ARHGAP10: variants seen among roughly 807,000 people sequenced by gnomAD.
ARHGAP10 encodes rho GTPase-activating protein 10.
In ARHGAP10, 87 loss-of-function variants were observed where a neutral mutation model predicts 108.6. The observed-to-expected ratio is 0.80, with a 90% confidence interval of 0.67 to 0.96. ARHGAP10 has a LOEUF of 0.96. ARHGAP10 is among the 40% of genes least tolerant of loss of function. The pLI, the probability that ARHGAP10 is intolerant of heterozygous loss-of-function variation, is 0.00. For synonymous variants in ARHGAP10, 347 were observed against 341.1 expected, an observed-to-expected ratio of 1.02 and a Z score of -0.19; for missense variants, 939 against 954.5, an observed-to-expected ratio of 0.98 and a Z score of 0.21.
intron 4 of ARHGAP10, 48 bp from the exon 5 acceptor site, chr4:147,857,504 TG>T: frequency 2.2e-6 from 3 of 1,393,648 alleles, no homozygotes; most frequent in Non-Finnish European, 1.9e-6. Context: ...GGATTAACCA[TG>T]TGTATCCTTT....
chr4:147,957,567 C>G (rs1738831543), intron 16 of ARHGAP10, among the ~76,000 whole-genome samples: 1 of 152,184 alleles, frequency 6.6e-6, no homozygotes, highest in African/African-American at 2.4e-5. Context: ...GCTAAAATTA[C>G]TAAGCATCAG....
chr4:147,895,458 G>A (rs1312453130), intron 10 of ARHGAP10, among the ~76,000 whole-genome samples: 4 of 144,156 alleles, frequency 2.8e-5, no homozygotes, highest in Non-Finnish European at 6.0e-5. Context: ...GATCACTTGA[G>A]CTCAGGGTTA....
chr4:147,913,282 TATTC>T (rs1736830300), intron 13 of ARHGAP10, 143 bp downstream of exon 13: 1 of 726,318 alleles, frequency 1.4e-6, no homozygotes, highest in Non-Finnish European at 2.3e-6. Flanking sequence ...AAGGATCAGT[TATTC>T]ATTTACTATG....
intron 18 of ARHGAP10, among the ~76,000 whole-genome samples, chr4:147,986,178 C>T (rs183263853): frequency 6.6e-6 from 1 of 151,890 alleles, no homozygotes; most frequent in African/African-American, 2.4e-5. Context: ...TCAGTTTCCT[C>T]ATCTATGAAA....
chr4:148,026,246 G>C (rs1741761652), intron 19 of ARHGAP10, among the ~76,000 whole-genome samples: 2 of 152,176 alleles, frequency 1.3e-5, no homozygotes, highest in African/African-American at 4.8e-5. Context: ...ACTCGGAATT[G>C]GTTTCAGTTC....
intron 1 of ARHGAP10, among the ~76,000 whole-genome samples, chr4:147,766,799 C>CATATATAT (rs57572532): frequency 5.5e-5 from 7 of 126,436 alleles, no homozygotes; most frequent in South Asian, 2.5e-4. Flanking sequence ...CATATATTCA[C>CATATATAT]ATATATATAT....
chr4:148,001,854 T>A (rs1438399867), intron 18 of ARHGAP10, among the ~76,000 whole-genome samples: 1 of 152,252 alleles, frequency 6.6e-6, no homozygotes, highest in Non-Finnish European at 1.5e-5. Context: ...TCATGTCATC[T>A]GCAAACAGGG....
chr4:147,917,885 A>G (rs1392162811), intron 13 of ARHGAP10, among the ~76,000 whole-genome samples: 1 of 152,216 alleles, frequency 6.6e-6, no homozygotes, highest in Admixed American at 6.5e-5. Context: ...CAAAATGATG[A>G]ATAAGATGAT....
At chr4:148,005,074 C>T (rs1420897102) in intron 18 of ARHGAP10, among the ~76,000 whole-genome samples, 2 of 152,334 alleles carry the variant, frequency 1.3e-5, no homozygotes, top group East Asian at 3.9e-4. Context: ...CCAACTTGCT[C>T]TTCATACCCT....
intron 18 of ARHGAP10, among the ~76,000 whole-genome samples, chr4:148,002,091 A>G (rs1252792925): frequency 3.9e-5 from 6 of 152,206 alleles, no homozygotes; most frequent in Non-Finnish European, 5.9e-5. Flanking sequence ...ACATCCCATG[A>G]ATACCTAATT....
chr4:148,007,443 G>A (rs138010230), intron 18 of ARHGAP10, among the ~76,000 whole-genome samples: 29 of 152,286 alleles, frequency 1.9e-4, no homozygotes, highest in Non-Finnish European at 3.8e-4. Flanking sequence ...CAGCTTGACA[G>A]GATTGCTCAG....
chr4:147,951,894 G>A (rs1053967483), intron 15 of ARHGAP10, among the ~76,000 whole-genome samples: 2 of 152,262 alleles, frequency 1.3e-5, no homozygotes, highest in African/African-American at 4.8e-5. Flanking sequence ...TAGTGACCCT[G>A]TGCATTATTA....
At chr4:148,065,882 A>G (rs543316119) in intron 22 of ARHGAP10, among the ~76,000 whole-genome samples, 17 of 149,992 alleles carry the variant, frequency 1.1e-4, no homozygotes, top group Admixed American at 1.0e-3. Flanking sequence ...GCAGTGGTGC[A>G]CACCTGTTGT....
intron 13 of ARHGAP10, among the ~76,000 whole-genome samples, chr4:147,923,625 G>A (rs1737336501): frequency 6.6e-6 from 1 of 152,152 alleles, no homozygotes; most frequent in Admixed American, 6.5e-5. Context: ...GAATTCATGG[G>A]ATAGAAGTAG....
chr4:147,884,084 A>G (rs1048378477), intron 10 of ARHGAP10, among the ~76,000 whole-genome samples: 3 of 152,242 alleles, frequency 2.0e-5, no homozygotes, highest in Non-Finnish European at 4.4e-5. Context: ...AAGATGAGCT[A>G]GCAGTCTACT....
In ARHGAP10 at chr4:147,957,908, A is replaced by G. The variant is rs544014614; in HGVS notation, c.1450+2534A>G. ...CAACTTACTTTTAAAGGTTGACTGC[A>G]TTGGAAAAGTTAAAACATTTTTTTC... is the stretch of plus-strand genomic sequence containing the variant. On this transcript the variant is annotated intron_variant, in intron 16 of 22. Transcript: ENST00000336498. Among the ~76,000 whole-genome samples the G allele has an allele frequency of 3.3e-5, 5 of 152,324 alleles. No homozygotes were observed. In the South Asian group the frequency reaches 6.2e-4, roughly 19 times the overall value.
At chr4:147,974,854 G>C (rs1248367654) in intron 18 of ARHGAP10, among the ~76,000 whole-genome samples, 2 of 152,186 alleles carry the variant, frequency 1.3e-5, no homozygotes, top group African/African-American at 4.8e-5. Context: ...CATGGCAGCA[G>C]ACAAGAGAAC....
At chr4:147,870,040 G>C (rs1223753643) in intron 7 of ARHGAP10, among the ~76,000 whole-genome samples, 2 of 147,714 alleles carry the variant, frequency 1.4e-5, no homozygotes, top group East Asian at 4.1e-4. Flanking sequence ...GTGTGTGTGT[G>C]TGTGTTTCAT....
intron 14 of ARHGAP10, among the ~76,000 whole-genome samples, chr4:147,945,856 C>T (rs919675637): frequency 6.6e-6 from 1 of 152,064 alleles, no homozygotes; most frequent in Non-Finnish European, 1.5e-5. Flanking sequence ...ACTTATTAAG[C>T]TTAAGGGGAG....
Sources: allele counts gnomAD v4.1 joint callset (sites outside exome capture counted in the v4.1 genomes callset), GRCh38; gene constraint gnomAD v4.1.1; transcripts MANE v1.5; gene names NCBI Gene and HGNC (gene_info 2026-07-23, HGNC 2026-07-21).